Variants in LRGUK observed in about 807,000 individuals in gnomAD.
LRGUK encodes leucine-rich repeat and guanylate kinase domain-containing protein.
Under a neutral mutation model 76.0 loss-of-function variants are expected in LRGUK, and 65 were observed. That is an observed-to-expected ratio of 0.85 (90% CI 0.70 to 1.05). LRGUK has a LOEUF of 1.05. LRGUK is among the 50% of genes least tolerant of loss of function. The pLI is 0.00. For missense variants in LRGUK, 758 were observed against 732.8 expected, an observed-to-expected ratio of 1.03 and a Z score of -0.40; for synonymous variants, 268 against 265.6, an observed-to-expected ratio of 1.01 and a Z score of -0.09.
chr7:134,183,602 C>A, intron 10 of LRGUK, 132 bp from the exon 11 acceptor site: 1 of 833,132 alleles, frequency 1.2e-6, no homozygotes, highest in Non-Finnish European at 1.8e-6. Flanking sequence ...CTGGAAAGGA[C>A]AACTATTCTT....
intron 19 of LRGUK, among the ~76,000 whole-genome samples, chr7:134,260,869 C>T (rs1802705675): frequency 6.6e-6 from 1 of 152,120 alleles, no homozygotes; most frequent in African/African-American, 2.4e-5. Context: ...TGGGTTAGAA[C>T]ATTGCAAATT....
downstream of LRGUK, among the ~76,000 whole-genome samples, chr7:134,268,518 C>T (rs1802900818): frequency 6.6e-6 from 1 of 152,040 alleles, no homozygotes; most frequent in African/African-American, 2.4e-5. Flanking sequence ...AAAAGAATCT[C>T]CAAGCCCAAA....
chr7:134,149,190 C>G (rs1798104899), intron 5 of LRGUK, among the ~76,000 whole-genome samples: 1 of 151,670 alleles, frequency 6.6e-6, no homozygotes, highest in South Asian at 2.1e-4. Flanking sequence ...CAGAGCACCT[C>G]CTTTAAAGAC....
At chr7:134,136,704 A>G (rs1186583461) in intron 1 of LRGUK, among the ~76,000 whole-genome samples, 1 of 152,194 alleles carries the variant, frequency 6.6e-6, no homozygotes, top group African/African-American at 2.4e-5. Flanking sequence ...CAGTGTCTGG[A>G]ATAGAGAACC....
intron 15 of LRGUK, among the ~76,000 whole-genome samples, chr7:134,205,782 G>A (rs1383638733): frequency 6.6e-6 from 1 of 152,132 alleles, no homozygotes; most frequent in Non-Finnish European, 1.5e-5. Flanking sequence ...TATACATAAT[G>A]TCATGGTGCA....
At chr7:134,210,064 T>G in exon 16 of LRGUK, 1 of 399,210 alleles carries the variant, frequency 2.5e-6, no homozygotes, top group Non-Finnish European at 4.4e-6. Context: ...AGGGGCCACT[T>G]CAGCAGACAG....
At chr7:134,255,639 A>G (rs1802560249) in intron 18 of LRGUK, among the ~76,000 whole-genome samples, 1 of 152,230 alleles carries the variant, frequency 6.6e-6, no homozygotes, top group Admixed American at 6.5e-5. Flanking sequence ...ATATGCCAGC[A>G]TCTCCGACAT....
rs1585500738 is a variant in LRGUK, at chr7:134,178,585, T to G, written c.1190T>G (p.Met397Arg). 3.1e-6 allele frequency: 5 copies of G among 1,612,990 alleles called. No homozygotes were observed. Among genetic ancestry groups the G allele is most frequent in the Middle Eastern group, 1.7e-4 (1 of 6,060 alleles). ...CTGACCCATGTTGTCAACAGCGTGA[T>G]GCAGCCGCAGAGGATCTTTGACAGG... Residue 397 changes from methionine (M) to arginine (R), a missense_variant, in exon 10 of 16, where the codon ATG becomes AGG. Physicochemically the swap from Met to Arg is moderately conservative, Grantham distance 91. Transcript: ENST00000645682.
At chr7:134,210,710 G>T (rs1444346542), downstream of LRGUK, among the ~76,000 whole-genome samples, 1 of 152,174 alleles carries the variant, frequency 6.6e-6, no homozygotes, top group Non-Finnish European at 1.5e-5. Flanking sequence ...CCCAGAGCAG[G>T]ACAGTGAGCC....
chr7:134,159,428 A>G (rs892612609), intron 6 of LRGUK, among the ~76,000 whole-genome samples: 1 of 151,818 alleles, frequency 6.6e-6, no homozygotes, highest in African/African-American at 2.4e-5. Context: ...TTATTTAACC[A>G]TAGATCACTG....
chr7:134,213,488 A>G (rs1801350513), downstream of LRGUK, among the ~76,000 whole-genome samples: 1 of 152,190 alleles, frequency 6.6e-6, no homozygotes. Flanking sequence ...GGTGTGGGGC[A>G]CTTTAGAGTT....
intron 16 of LRGUK, among the ~76,000 whole-genome samples, chr7:134,223,448 C>T (rs1418990214): frequency 6.6e-6 from 1 of 152,180 alleles, no homozygotes; most frequent in Non-Finnish European, 1.5e-5. Context: ...GGTGGGTGCC[C>T]ACTAAACATC....
chr7:134,146,492 C>T (rs1181759586), intron 4 of LRGUK, among the ~76,000 whole-genome samples: 2 of 152,278 alleles, frequency 1.3e-5, no homozygotes, highest in Admixed American at 6.5e-5. Flanking sequence ...CCATTTACAT[C>T]ATGCCAAACT....
At chr7:134,198,887 C>G (rs1334224931) in intron 13 of LRGUK, among the ~76,000 whole-genome samples, 1 of 152,178 alleles carries the variant, frequency 6.6e-6, no homozygotes, top group Non-Finnish European at 1.5e-5. Context: ...ATTGAAATTA[C>G]CTTTCTGTAA....
At chr7:134,266,131 A>G (rs533286898), downstream of LRGUK, among the ~76,000 whole-genome samples, 8 of 152,256 alleles carry the variant, frequency 5.3e-5, no homozygotes, top group South Asian at 2.1e-4. Context: ...TTTCTGCCCC[A>G]CTGGTATGGT....
chr7:134,207,904 C>T (rs1406225709), intron 15 of LRGUK, among the ~76,000 whole-genome samples: 1 of 152,158 alleles, frequency 6.6e-6, no homozygotes, highest in African/African-American at 2.4e-5. Context: ...TGAACAAGTG[C>T]CTGCTGGATG....
chr7:134,153,045 G>T (rs1373240209), intron 5 of LRGUK, among the ~76,000 whole-genome samples: 1 of 152,032 alleles, frequency 6.6e-6, no homozygotes, highest in African/African-American at 2.4e-5. Flanking sequence ...TGCTGATTGG[G>T]CTGTGGGGGC....
rs142990850 is a variant in LRGUK at position 134,135,644 on chromosome 7, C to A, written c.298-1379C>A. On this transcript the variant is annotated intron_variant, in intron 1 of 15. Coordinates refer to ENST00000645682, the Ensembl canonical transcript of LRGUK. ...GGGCTGGGGTTCAAGCCATGCCTGCCCAATTCTGAAGCCATGTGCTGCCTC... is the reference window on the plus strand; with the variant it reads ...GGGCTGGGGTTCAAGCCATGCCTGCACAATTCTGAAGCCATGTGCTGCCTC... Among the ~76,000 whole-genome samples the A allele has an allele frequency of 5.3e-4, 80 of 152,246 alleles. No homozygotes were observed. The East Asian group carries it at 0.013, about 25-fold the overall frequency.
chr7:134,224,672 A>G (rs985955032), intron 16 of LRGUK, among the ~76,000 whole-genome samples: 1 of 152,066 alleles, frequency 6.6e-6, no homozygotes, highest in African/African-American at 2.4e-5. Context: ...AAACCTGCAC[A>G]TATACCCCTG....
Sources: gnomAD v4.1 joint callset for allele counts (sites outside exome capture counted in the v4.1 genomes callset) on GRCh38, gnomAD v4.1.1 for gene constraint, MANE v1.5 for transcripts, NCBI Gene and HGNC (gene_info 2026-07-23, HGNC 2026-07-21) for gene names.